The following ANTXR1 variants were observed in gnomAD, a reference collection of about 807,000 sequenced individuals.
The protein encoded by ANTXR1 is anthrax toxin receptor 1.
In ANTXR1, 19 loss-of-function variants were observed where a neutral mutation model predicts 78.1. That is an observed-to-expected ratio of 0.24 (90% CI 0.17 to 0.36). The LOEUF (loss-of-function observed/expected upper bound fraction) is 0.36. Ranked by LOEUF, ANTXR1 falls within the 10% of genes least tolerant of loss-of-function variation. The pLI, the probability that ANTXR1 is intolerant of heterozygous loss-of-function variation, is 1.00. For missense variants in ANTXR1, 518 were observed against 718.6 expected (o/e 0.72, Z 3.19); for synonymous variants, 273 against 260.5 (o/e 1.05, Z -0.46).
intron 8 of ANTXR1, among the ~76,000 whole-genome samples, chr2:69,078,441 C>T (rs945545173): frequency 1.3e-5 from 2 of 152,162 alleles, no homozygotes; most frequent in Non-Finnish European, 2.9e-5. Flanking sequence ...CCAGGGGTTA[C>T]CGGCCAAGGG....
intron 3 of ANTXR1, among the ~76,000 whole-genome samples, chr2:69,066,095 G>C (rs1670390125): frequency 6.6e-6 from 1 of 152,202 alleles, no homozygotes; most frequent in Non-Finnish European, 1.5e-5. Flanking sequence ...AAGAAGACTA[G>C]GAAGTTGACA....
intron 17 of ANTXR1, among the ~76,000 whole-genome samples, chr2:69,215,242 A>G (rs542818818): frequency 3.9e-5 from 6 of 152,210 alleles, no homozygotes; most frequent in African/African-American, 1.2e-4. Flanking sequence ...TGAAATCTCT[A>G]CTGGAAGGGT....
chr2:69,236,683 GATAA>G (rs1267929325), intron 17 of ANTXR1, among the ~76,000 whole-genome samples: 2 of 152,144 alleles, frequency 1.3e-5, no homozygotes, highest in Admixed American at 6.5e-5. Flanking sequence ...AATATTTATG[GATAA>G]ATAGTTTTAT....
chr2:69,206,628 C>A (rs1211473049), intron 17 of ANTXR1, among the ~76,000 whole-genome samples: 1 of 152,140 alleles, frequency 6.6e-6, no homozygotes, highest in Non-Finnish European at 1.5e-5. Context: ...TTTAGTGTCC[C>A]ACCACATCTG....
chr2:69,205,607 TAAC>T (rs1674880761), intron 17 of ANTXR1, among the ~76,000 whole-genome samples: 1 of 148,432 alleles, frequency 6.7e-6, no homozygotes. Context: ...TTTTTTTTTT[TAAC>T]TTTCCCTCAC....
chr2:69,075,703 G>A lies in ANTXR1; in HGVS notation c.561+45G>A, dbSNP rs750928300. 5 of 1,538,470 alleles carry A rather than the reference G, an allele frequency of 3.2e-6. No homozygotes were observed. The African/African-American group carries it at 5.5e-5, about 17-fold the overall frequency. On this transcript the variant is annotated intron_variant, in intron 7 of 17. Transcript: ENST00000303714. Reference sequence around the variant, plus strand: ...CAGGTTTGGAGCATACTGAGCTTGTGAATCATGAAGAACATGTTCAGTCAG... The same window carrying A: ...CAGGTTTGGAGCATACTGAGCTTGTAAATCATGAAGAACATGTTCAGTCAG...
intron 1 of ANTXR1, among the ~76,000 whole-genome samples, chr2:69,016,112 G>A (rs1472537779): frequency 6.6e-6 from 1 of 152,132 alleles, no homozygotes; most frequent in Non-Finnish European, 1.5e-5. Context: ...CTAGACTTGC[G>A]CTGTCCAGTA....
intron 10 of ANTXR1, among the ~76,000 whole-genome samples, chr2:69,114,870 C>G (rs1015021120): frequency 6.6e-6 from 1 of 152,222 alleles, no homozygotes; most frequent in African/African-American, 2.4e-5. Flanking sequence ...TACCTCCTCC[C>G]TTTTCTACCC....
chr2:69,181,956 G>A (rs1674286999), intron 15 of ANTXR1, 75 bp downstream of exon 15: 1 of 1,441,132 alleles, frequency 6.9e-7, no homozygotes, highest in Non-Finnish European at 9.7e-7. Context: ...GCCTGACCCT[G>A]CTTAGCCTCT....
chr2:69,228,193 T>G (rs1327575852), intron 17 of ANTXR1, among the ~76,000 whole-genome samples: 4 of 151,976 alleles, frequency 2.6e-5, no homozygotes, highest in African/African-American at 9.7e-5. Flanking sequence ...GACAAGTAAA[T>G]TATGATTGGA....
chr2:69,224,586 C>A (rs1057498732), intron 17 of ANTXR1, among the ~76,000 whole-genome samples: 1 of 152,050 alleles, frequency 6.6e-6, no homozygotes, highest in Non-Finnish European at 1.5e-5. Context: ...AGGGAGAGAG[C>A]CTGCAGGGCC....
chr2:69,184,268 A>G (rs764653446), intron 16 of ANTXR1, among the ~76,000 whole-genome samples: 3 of 152,192 alleles, frequency 2.0e-5, no homozygotes, highest in Non-Finnish European at 2.9e-5. Flanking sequence ...ATTGCCACGC[A>G]TTTCTATTTT....
At chr2:69,056,793 C>T (rs537877996) in intron 3 of ANTXR1, among the ~76,000 whole-genome samples, 32 of 152,240 alleles carry the variant, frequency 2.1e-4, no homozygotes, top group African/African-American at 7.5e-4. Context: ...CATGCCTCAG[C>T]CTCCTGAGTA....
intron 8 of ANTXR1, among the ~76,000 whole-genome samples, chr2:69,089,469 A>G (rs547026229): frequency 5.9e-5 from 9 of 152,354 alleles, no homozygotes; most frequent in Non-Finnish European, 2.9e-5. Flanking sequence ...GTTTGCTACT[A>G]GAAAGCTTGG....
At chr2:69,179,671 T>C (rs1383219698) in intron 14 of ANTXR1, among the ~76,000 whole-genome samples, 1 of 152,060 alleles carries the variant, frequency 6.6e-6, no homozygotes. Context: ...CAAAGGAGAA[T>C]GAGGTTGCAT....
chr2:69,228,240 A>C (rs1270913819), intron 17 of ANTXR1, among the ~76,000 whole-genome samples: 1 of 152,212 alleles, frequency 6.6e-6, no homozygotes, highest in Non-Finnish European at 1.5e-5. Context: ...TTCTCCAGGA[A>C]GGGTTGCTGC....
At chr2:69,165,682 T>C (rs576561926) in intron 13 of ANTXR1, among the ~76,000 whole-genome samples, 32 of 152,364 alleles carry the variant, frequency 2.1e-4, no homozygotes, top group African/African-American at 7.7e-4. Flanking sequence ...GAACGTCTAG[T>C]GAGCCTGTGC....
intron 14 of ANTXR1, 61 bp from the exon 15 acceptor site, chr2:69,181,725 G>C: frequency 6.7e-7 from 1 of 1,492,718 alleles, no homozygotes; most frequent in Admixed American, 1.7e-5. Context: ...CTTGGCTGTA[G>C]TAGGCAGGTC....
intron 13 of ANTXR1, among the ~76,000 whole-genome samples, chr2:69,166,649 A>AT (rs1673834475): frequency 6.6e-6 from 1 of 152,110 alleles, no homozygotes; most frequent in South Asian, 2.1e-4. Context: ...TATGTTTATT[A>AT]TTTTCCATTA....
Sources: allele counts gnomAD v4.1 joint callset (sites outside exome capture counted in the v4.1 genomes callset), GRCh38; gene constraint gnomAD v4.1.1; transcripts MANE v1.5; gene names NCBI Gene and HGNC (gene_info 2026-07-23, HGNC 2026-07-21).